The following DDX6 variants were observed in gnomAD, a reference collection of about 807,000 sequenced individuals.
The protein encoded by DDX6 is probable ATP-dependent RNA helicase DDX6.
Under a neutral mutation model 60.6 loss-of-function variants are expected in DDX6, and 7 were observed. That is an observed-to-expected ratio of 0.12 (90% CI 0.07 to 0.22). The LOEUF (loss-of-function observed/expected upper bound fraction) is 0.22. Among genes scored for constraint, DDX6 ranks in the 10% least tolerant of loss-of-function variants. DDX6 has a pLI of 1.00. For missense variants in DDX6, 270 were observed against 589.9 expected (o/e 0.46, Z 5.62); for synonymous variants, 207 against 201.0 (o/e 1.03, Z -0.25).
At chr11:118,783,887 G>A (rs1487751755) in intron 2 of DDX6, among the ~76,000 whole-genome samples, 2 of 150,422 alleles carry the variant, frequency 1.3e-5, no homozygotes, top group Non-Finnish European at 3.0e-5. Context: ...AGGTCGAGGT[G>A]GGCAGATCAC....
intron 1 of DDX6, chr11:118,788,306 AAACAAACAAAGC>A (rs1565582614): frequency 2.6e-3 from 4 of 1,542 alleles, no homozygotes; most frequent in Non-Finnish European, 6.9e-3. Context: ...TCTGACTTAA[AAACAAACAAAGC>A]AAACAAACAA....
rs782623535 is a variant in DDX6, at chr11:118,748,791, G to C, written c.*3314C>G. The C allele has an allele frequency of 1.4e-5, 2 of 142,692 alleles. No homozygotes were observed. Among genetic ancestry groups the C allele is most frequent in the Non-Finnish European group, 3.0e-5 (2 of 66,900 alleles). 8.8% of individuals were successfully genotyped at this position (142,692 alleles called of 1,614,324 possible). On this transcript the variant is annotated 3_prime_UTR_variant, in exon 14 of 14. Coordinates refer to ENST00000534980, the MANE Select transcript of DDX6 (RefSeq NM_004397.6). The stretch of plus-strand genomic sequence containing the variant: ...TTAAACCACGTCATCAGAATGAGAT[G>C]TTTTGATTCCAACAATTTATACTCA...
At chr11:118,782,084 G>A (rs1433625287) in intron 2 of DDX6, among the ~76,000 whole-genome samples, 1 of 151,996 alleles carries the variant, frequency 6.6e-6, no homozygotes, top group Non-Finnish European at 1.5e-5. Flanking sequence ...ATGGTGGCAT[G>A]TGCCTGTAAT....
At chr11:118,754,144 AGGCACAGT>A (rs763933316) in intron 13 of DDX6, among the ~76,000 whole-genome samples, 15 of 152,196 alleles carry the variant, frequency 9.9e-5, no homozygotes, top group Non-Finnish European at 1.9e-4. Flanking sequence ...AAAAAAGGCC[AGGCACAGT>A]GGCACAGTGG....
chr11:118,790,809 C>T, intron 1 of DDX6: 1 of 152,156 alleles, frequency 6.6e-6, no homozygotes, highest in Non-Finnish European at 1.5e-5. Context: ...CCGGGGGGCT[C>T]CCCACAGCCC....
rs928751615 is a variant in DDX6 at position 118,775,394 on chromosome 11, T to A, written c.369+4238A>T. The stretch of plus-strand genomic sequence containing the variant: ...CCTATGAAAATAAAAATTTAAAAAA[T>A]TTTTTTACTAGGGGATCTGTAAATT... On this transcript the variant is annotated intron_variant, in intron 4 of 13. Transcript: ENST00000534980. 6.6e-5 allele frequency among the ~76,000 whole-genome samples: 10 copies of A among 152,234 alleles called. No individual in the cohort carries two copies. The East Asian group carries it at 9.6e-4, about 15-fold the overall frequency.
At chr11:118,783,512 A>G (rs1861971212) in intron 2 of DDX6, among the ~76,000 whole-genome samples, 1 of 152,176 alleles carries the variant, frequency 6.6e-6, no homozygotes, top group South Asian at 2.1e-4. Flanking sequence ...AATAGAAAAT[A>G]TTCTCATAGG....
At chr11:118,766,478 T>G (rs1861357754) in intron 5 of DDX6, among the ~76,000 whole-genome samples, 1 of 152,110 alleles carries the variant, frequency 6.6e-6, no homozygotes, top group Admixed American at 6.6e-5. Context: ...GTTGAATCAT[T>G]ACACAGGACA....
intron 7 of DDX6, among the ~76,000 whole-genome samples, chr11:118,760,316 T>G (rs1555159892): frequency 1.3e-5 from 2 of 152,156 alleles, no homozygotes; most frequent in African/African-American, 4.8e-5. Flanking sequence ...AATTTATTTA[T>G]TTTTAGAGAC....
chr11:118,753,338 T>C (rs1555157914), intron 13 of DDX6, among the ~76,000 whole-genome samples: 1 of 22,706 alleles, frequency 4.4e-5, no homozygotes, highest in Non-Finnish European at 1.0e-4. Context: ...CCAAGTGGCT[T>C]TTTTTTTTTT....
At chr11:118,790,353 AAAC>A (rs1862230106) in intron 1 of DDX6, 1 of 152,118 alleles carries the variant, frequency 6.6e-6, no homozygotes. Context: ...CATTAGTAGC[AAAC>A]AATAGGGACT....
intron 4 of DDX6, among the ~76,000 whole-genome samples, chr11:118,778,079 GAT>G (rs1278922746): frequency 6.6e-6 from 1 of 151,836 alleles, no homozygotes; most frequent in African/African-American, 2.4e-5. Flanking sequence ...ACTGATAACA[GAT>G]ATATATGGAT....
At chr11:118,783,199 C>T (rs1213910012) in intron 2 of DDX6, among the ~76,000 whole-genome samples, 1 of 152,076 alleles carries the variant, frequency 6.6e-6, no homozygotes, top group South Asian at 2.1e-4. Flanking sequence ...TGAAGAACCG[C>T]AGAACTGAAA....
At chr11:118,755,299 G>C in intron 12 of DDX6, 103 bp downstream of exon 12, 1 of 679,632 alleles carries the variant, frequency 1.5e-6, no homozygotes, top group Non-Finnish European at 2.6e-6. Flanking sequence ...TTAATTCACT[G>C]TTCTCATAGC....
Position 118,786,163 on chromosome 11 carries a change from C to G in DDX6, c.89G>C (p.Gly30Ala), listed in dbSNP as rs756634095. The stretch of plus-strand genomic sequence containing the variant: ...TGTCTGTGTGCCCCCTCCTCCAGGG[C>G]CACCAGTGGGTTTCACAGGGCCTCT... ...QLRGPVKPTG[G>A]PGGGGTQTQQ... The change falls in exon 2 of 14, where the codon GGC becomes GCC. Residue 30 changes from glycine to alanine, a missense_variant. Physicochemically the swap from Gly to Ala is moderately conservative, Grantham distance 60 (BLOSUM62 0). This residue lies in a region of DDX6 where 102 missense variants were observed against 110.5 expected (regional missense o/e 0.92). Coordinates refer to ENST00000534980, the MANE Select transcript of DDX6 (RefSeq NM_004397.6). 1.9e-6 allele frequency: 3 copies of G among 1,613,874 alleles called. No homozygotes were observed. The African/African-American group carries it at 4.0e-5, about 22-fold the overall frequency.
chr11:118,778,527 C>T (rs1265733033), intron 4 of DDX6, among the ~76,000 whole-genome samples: 2 of 152,204 alleles, frequency 1.3e-5, no homozygotes, highest in African/African-American at 2.4e-5. Context: ...TTTGTTTTCT[C>T]ATCCACAAAA....
At chr11:118,772,909 A>G (rs1422222425) in intron 4 of DDX6, among the ~76,000 whole-genome samples, 1 of 152,224 alleles carries the variant, frequency 6.6e-6, no homozygotes, top group Non-Finnish European at 1.5e-5. Flanking sequence ...TGGTAGACAC[A>G]TAGCCCACAC....
chr11:118,785,211 C>G (rs1475794578), intron 2 of DDX6, among the ~76,000 whole-genome samples: 1 of 152,130 alleles, frequency 6.6e-6, no homozygotes, highest in East Asian at 1.9e-4. Flanking sequence ...TAACAAATAG[C>G]CTACATACTT....
chr11:118,751,761 G>T lies in DDX6; in HGVS notation c.*344C>A. 1 of 326,712 alleles carries T rather than the reference G, an allele frequency of 3.1e-6. No homozygotes were observed. The highest frequency in any genetic ancestry group is 6.0e-6 in the Non-Finnish European group (1 of 166,780). The allele number at this position is 326,712 out of a possible 1,614,324, so 20.2% of individuals were successfully genotyped here. On this transcript the variant is annotated 3_prime_UTR_variant, in exon 14 of 14. Transcript: ENST00000534980. ...TGGAGAATTTTGAAATCATTGACAA[G>T]CTTGTGTGTTCATTAAGATTCTTCT... is the stretch of plus-strand genomic sequence containing the variant.
Sources: allele counts gnomAD v4.1 joint callset (sites outside exome capture counted in the v4.1 genomes callset), GRCh38; gene constraint gnomAD v4.1.1; regional missense constraint gnomAD v4.1.1; transcripts MANE v1.5; gene names NCBI Gene and HGNC (gene_info 2026-07-23, HGNC 2026-07-21).